Variants in PCDHGB2 observed in about 807,000 individuals in gnomAD.
PCDHGB2 encodes the protein protocadherin gamma subfamily B, 2.
In PCDHGB2, 55 loss-of-function variants were observed where a neutral mutation model predicts 59.3. The observed-to-expected ratio is 0.93, with a 90% CI of 0.75 to 1.16. The LOEUF (loss-of-function observed/expected upper bound fraction) is 1.16, where lower values mean the gene tolerates loss of function less well. Among genes scored for constraint, PCDHGB2 ranks in the 50% most tolerant of loss-of-function variants. PCDHGB2 has a pLI of 0.00. For missense variants in PCDHGB2, 1,228 were observed against 1,198.5 expected (o/e 1.02, Z -0.36); for synonymous variants, 516 against 512.0 (o/e 1.01, Z -0.11).
chr5:141,440,181 G>A (rs1419736461), intron 1 of PCDHGB2: 7 of 152,312 alleles, frequency 4.6e-5, no homozygotes, highest in Non-Finnish European at 8.8e-5. Context: ...CTTTGAAATA[G>A]TTGAAGGCCA....
At chr5:141,442,358 A>C (rs2098318223) in intron 1 of PCDHGB2, 1 of 152,304 alleles carries the variant, frequency 6.6e-6, no homozygotes, top group African/African-American at 2.4e-5. Context: ...CTGTAGCTCT[A>C]TGATGCCATA....
Position 141,451,147 on chromosome 5 carries a change from A to G in PCDHGB2, c.2422-43660A>G, listed in dbSNP as rs2098708727. ...CCAGCCTTATGATTGTATTTAGACT[A>G]GACATTTTTTTGGTAGTATATTATT... On this transcript the variant is annotated intron_variant, in intron 1 of 3. Coordinates refer to ENST00000522605, the MANE Select transcript of PCDHGB2 (RefSeq NM_018923.3). Among the ~76,000 whole-genome samples, 3 of 152,250 alleles carry G rather than the reference A, an allele frequency of 2.0e-5. No homozygotes were observed. In the South Asian group the frequency reaches 6.2e-4, roughly 32 times the overall value.
At chr5:141,500,167 A>C (rs976308963) in intron 2 of PCDHGB2, among the ~76,000 whole-genome samples, 1 of 150,656 alleles carries the variant, frequency 6.6e-6, no homozygotes, top group African/African-American at 2.4e-5. Context: ...AAGAACATGC[A>C]TGAGCTTCAT....
Position 141,370,589 on chromosome 5 carries a change from C to A in PCDHGB2, c.2421+8033C>A, listed in dbSNP as rs1373846949. 6.2e-7 allele frequency: 1 copy of A among 1,613,898 alleles called. No individual in the cohort carries two copies. The highest frequency in any genetic ancestry group is 1.1e-5 in the South Asian group (1 of 91,062). The stretch of plus-strand genomic sequence containing the variant: ...GCGTGGGGGATTTACCTACTAGGAA[C>A]CTGCGGGTTATTGCAGAGAAGAAAT... On this transcript the variant is annotated intron_variant, in intron 1 of 3. Transcript: ENST00000522605.
chr5:141,373,414 T>C (rs1351552261), intron 1 of PCDHGB2, among the ~76,000 whole-genome samples: 1 of 152,222 alleles, frequency 6.6e-6, no homozygotes, highest in Non-Finnish European at 1.5e-5. Context: ...TCCCAGCTAC[T>C]CGGGAGGCTG....
chr5:141,467,055 CTTTT>C (rs1193465269), intron 1 of PCDHGB2, among the ~76,000 whole-genome samples: 5 of 134,484 alleles, frequency 3.7e-5, no homozygotes, highest in Non-Finnish European at 4.9e-5. Context: ...TCAATGTTTT[CTTTT>C]TTTTTTTTTT....
intron 1 of PCDHGB2, chr5:141,399,577 T>C: frequency 1.2e-6 from 2 of 1,613,972 alleles, no homozygotes; most frequent in Non-Finnish European, 1.7e-6. Context: ...CGGCCAAGTC[T>C]CCTACTCTAT....
intron 1 of PCDHGB2, chr5:141,366,529 G>A (rs748780311): frequency 6.2e-6 from 10 of 1,614,120 alleles, no homozygotes; most frequent in Non-Finnish European, 4.2e-6. Flanking sequence ...GCAGGTTGGC[G>A]GGTGTGCCCG....
At chr5:141,400,279 G>C (rs1561676065) in intron 1 of PCDHGB2, 1 of 1,614,050 alleles carries the variant, frequency 6.2e-7, no homozygotes, top group African/African-American at 1.3e-5. Context: ...CTCCAGCCCT[G>C]CCGCCTGGAG....
chr5:141,383,687 C>G, intron 1 of PCDHGB2: 3 of 1,613,968 alleles, frequency 1.9e-6, no homozygotes, highest in Non-Finnish European at 2.5e-6. Flanking sequence ...AGACTGCTCA[C>G]GGTACATGCT....
chr5:141,409,941 G>T, intron 1 of PCDHGB2: 1 of 1,613,226 alleles, frequency 6.2e-7, no homozygotes, highest in South Asian at 1.1e-5. Flanking sequence ...ATGGTACCTC[G>T]CTCTGCAGAG....
intron 1 of PCDHGB2, chr5:141,385,140 G>T: frequency 1.9e-6 from 3 of 1,614,190 alleles, no homozygotes; most frequent in Non-Finnish European, 2.5e-6. Context: ...ACGGGGTGCA[G>T]GCTTTCCTGC....
chr5:141,410,462 CTG>C (rs1258642453), intron 1 of PCDHGB2: 1 of 1,613,924 alleles, frequency 6.2e-7, no homozygotes, highest in East Asian at 2.2e-5. Context: ...TTCTTATAAT[CTG>C]TGCATTGCAC....
intron 1 of PCDHGB2, chr5:141,394,006 T>C (rs753433160): frequency 3.1e-6 from 5 of 1,613,358 alleles, no homozygotes; most frequent in Non-Finnish European, 3.4e-6. Context: ...GAAAAGTCAA[T>C]AGGTAATTAT....
rs780578882 is a variant in PCDHGB2 at position 141,486,578 on chromosome 5, C to T, written c.2422-8229C>T. On this transcript the variant is annotated intron_variant, in intron 1 of 3. Coordinates refer to ENST00000522605, the MANE Select transcript of PCDHGB2 (RefSeq NM_018923.3). This position sits in a 1 kb window ranked among gnomAD's most constrained non-coding sequence, Gnocchi z 5.0. ...TGAGGTGTTTGTTCCTGAGAACAAT[C>T]GCCCAGGGGACCTGCTTTGCTCCCT... 1.6e-5 allele frequency: 26 copies of T among 1,613,728 alleles called. No homozygotes were observed. The highest frequency in any genetic ancestry group is 2.2e-5 in the South Asian group (2 of 91,072).
chr5:141,443,223 A>G (rs2098374731), intron 1 of PCDHGB2, among the ~76,000 whole-genome samples: 1 of 152,044 alleles, frequency 6.6e-6, no homozygotes, highest in African/African-American at 2.4e-5. Flanking sequence ...AGGCGCATCT[A>G]TAATCTTAGC....
At chr5:141,375,609 C>T (rs755429700) in intron 1 of PCDHGB2, 8 of 1,614,226 alleles carry the variant, frequency 5.0e-6, no homozygotes, top group South Asian at 3.3e-5. Context: ...TCCATCAACT[C>T]CGACACTGGG....
intron 1 of PCDHGB2, among the ~76,000 whole-genome samples, chr5:141,467,823 T>A (rs1225960296): frequency 1.3e-5 from 2 of 152,012 alleles, no homozygotes; most frequent in African/African-American, 2.4e-5. Flanking sequence ...CACACCAGGC[T>A]GATTTTTATA....
chr5:141,421,195 G>C (rs1305388921), intron 1 of PCDHGB2: 2 of 1,504,878 alleles, frequency 1.3e-6, no homozygotes, highest in Non-Finnish European at 1.8e-6. Context: ...CAACCAGCTC[G>C]AGAAACCGCG....
Sources: allele counts gnomAD v4.1 joint callset (sites outside exome capture counted in the v4.1 genomes callset), GRCh38; gene constraint gnomAD v4.1.1; non-coding constraint Gnocchi (gnomAD v3.1); transcripts MANE v1.5; gene names NCBI Gene and HGNC (gene_info 2026-07-23, HGNC 2026-07-21).